AGBL1: variants seen among roughly 807,000 people sequenced by gnomAD.
AGBL1 encodes the protein AGBL carboxypeptidase 1.
In AGBL1, 130 loss-of-function variants were observed where a neutral mutation model predicts 118.9. That is an observed-to-expected ratio of 1.09 (90% CI 0.95 to 1.26). The LOEUF is 1.26. AGBL1 is among the 50% of genes most tolerant of loss of function. The probability of loss-of-function intolerance (pLI) is 0.00; values close to 1 mark genes in which losing one functional copy is unlikely to be tolerated. For synonymous variants in AGBL1, 555 were observed against 478.9 expected, an observed-to-expected ratio of 1.16 and a Z score of -2.08; for missense variants, 1,584 against 1,298.1, an observed-to-expected ratio of 1.22 and a Z score of -3.38.
At chr15:86,225,030 T>TTTA in intron 6 of AGBL1, 79 bp downstream of exon 6, 3 of 1,382,562 alleles carry the variant, frequency 2.2e-6, no homozygotes, top group Non-Finnish European at 3.0e-6. Context: ...CCCATGGCTG[T>TTTA]TTCTTTTTTT....
chr15:86,257,901 C>A (rs2078921980), intron 8 of AGBL1, 63 bp from the exon 9 acceptor site: 2 of 1,541,080 alleles, frequency 1.3e-6, no homozygotes, highest in African/African-American at 1.4e-5. Context: ...TGGTGAAAAT[C>A]TAAATCCTAA....
chr15:86,628,721 G>C (rs1002673811), intron 21 of AGBL1, among the ~76,000 whole-genome samples: 1 of 152,038 alleles, frequency 6.6e-6, no homozygotes, highest in Non-Finnish European at 1.5e-5. Context: ...GCATGAACCC[G>C]GGAGGCGGAG....
At chr15:86,700,372 A>G (rs982583486) in intron 22 of AGBL1, among the ~76,000 whole-genome samples, 5 of 151,742 alleles carry the variant, frequency 3.3e-5, no homozygotes, top group Non-Finnish European at 7.4e-5. Context: ...CATCTCTAGA[A>G]TCACCCATTT....
chr15:86,231,419 C>T (rs548856890), intron 6 of AGBL1, among the ~76,000 whole-genome samples: 1 of 152,216 alleles, frequency 6.6e-6, no homozygotes. Context: ...TCCACCATAA[C>T]TTCTGGAGAA....
At chr15:86,194,686 G>A (rs1425792071) in intron 5 of AGBL1, among the ~76,000 whole-genome samples, 2 of 152,122 alleles carry the variant, frequency 1.3e-5, no homozygotes, top group African/African-American at 4.8e-5. Flanking sequence ...TCCTGACCCC[G>A]TGTTGGGTAG....
chr15:86,417,531 G>C (rs112454518), intron 18 of AGBL1, among the ~76,000 whole-genome samples: 2 of 152,246 alleles, frequency 1.3e-5, no homozygotes, highest in Non-Finnish European at 2.9e-5. Flanking sequence ...GTTTACAGTA[G>C]AGAGGTGGAA....
downstream of AGBL1, among the ~76,000 whole-genome samples, chr15:86,917,939 G>A (rs1200230369): frequency 7.9e-5 from 12 of 152,130 alleles, no homozygotes; most frequent in Admixed American, 7.9e-4. The surrounding 1 kb of genome is among the most constrained non-coding windows in gnomAD (Gnocchi z 4.8). Flanking sequence ...TCCATCCCTA[G>A]TCCCTCAAAT....
intron 5 of AGBL1, among the ~76,000 whole-genome samples, chr15:86,212,069 T>C (rs2078108377): frequency 6.6e-6 from 1 of 152,260 alleles, no homozygotes; most frequent in African/African-American, 2.4e-5. Context: ...TTCTATGTGG[T>C]TTCTAGAAGT....
At chr15:86,094,879 G>T (rs377681365) in intron 1 of AGBL1, among the ~76,000 whole-genome samples, 1 of 152,166 alleles carries the variant, frequency 6.6e-6, no homozygotes, top group Admixed American at 6.5e-5. Context: ...ACTACCTGGA[G>T]TTAGCATCAG....
intron 21 of AGBL1, among the ~76,000 whole-genome samples, chr15:86,633,479 T>C (rs2085012538): frequency 1.3e-5 from 2 of 152,180 alleles, no homozygotes; most frequent in African/African-American, 4.8e-5. Flanking sequence ...TACTGGGAAG[T>C]ACTTAGAATG....
intron 1 of AGBL1, among the ~76,000 whole-genome samples, chr15:86,139,389 G>T (rs1425826583): frequency 6.6e-6 from 1 of 152,164 alleles, no homozygotes; most frequent in Non-Finnish European, 1.5e-5. Context: ...ACCACCCCGG[G>T]ATTCTCTTGA....
chr15:86,411,762 C>T (rs1165930235), intron 18 of AGBL1, among the ~76,000 whole-genome samples: 1 of 151,994 alleles, frequency 6.6e-6, no homozygotes, highest in Non-Finnish European at 1.5e-5. Context: ...CATTACTCTG[C>T]ATAATAACAA....
chr15:86,603,031 A>G (rs2084520070), intron 21 of AGBL1, among the ~76,000 whole-genome samples: 1 of 152,150 alleles, frequency 6.6e-6, no homozygotes, highest in African/African-American at 2.4e-5. Context: ...AAATGGTTCA[A>G]TTACAGTTCA....
At chr15:86,451,770 T>A (rs2082196669) in intron 18 of AGBL1, among the ~76,000 whole-genome samples, 1 of 152,122 alleles carries the variant, frequency 6.6e-6, no homozygotes, top group South Asian at 2.1e-4. Flanking sequence ...TGTTCTAATG[T>A]GCTTTCCTAT....
intron 17 of AGBL1, among the ~76,000 whole-genome samples, chr15:86,326,672 G>C (rs531004419): frequency 6.6e-6 from 1 of 152,138 alleles, no homozygotes; most frequent in Non-Finnish European, 1.5e-5. Context: ...GGTATATGTT[G>C]CTTGTTGTTG....
intron 22 of AGBL1, among the ~76,000 whole-genome samples, chr15:86,747,735 T>A (rs542582440): frequency 6.6e-6 from 1 of 152,264 alleles, no homozygotes; most frequent in Non-Finnish European, 1.5e-5. Flanking sequence ...GGTGTTTGGT[T>A]TTCTGTTCTT....
intron 18 of AGBL1, among the ~76,000 whole-genome samples, chr15:86,420,094 C>A (rs1400886001): frequency 6.6e-6 from 1 of 152,120 alleles, no homozygotes; most frequent in Non-Finnish European, 1.5e-5. Context: ...GTGGATCTCC[C>A]AATACAGCAC....
chr15:86,598,109 G>T (rs2084437222), intron 21 of AGBL1, among the ~76,000 whole-genome samples: 2 of 151,890 alleles, frequency 1.3e-5, no homozygotes, highest in African/African-American at 4.8e-5. Flanking sequence ...GCTTATGAGG[G>T]GTGTTTAACC....
chr15:86,405,137 T>C (rs998792843), intron 18 of AGBL1, among the ~76,000 whole-genome samples: 1 of 152,224 alleles, frequency 6.6e-6, no homozygotes, highest in African/African-American at 2.4e-5. Context: ...TGAGTAGTTA[T>C]CTTTTGCTAT....
Sources: allele counts gnomAD v4.1 joint callset (sites outside exome capture counted in the v4.1 genomes callset), GRCh38; gene constraint gnomAD v4.1.1; non-coding constraint Gnocchi (gnomAD v3.1); transcripts MANE v1.5; gene names NCBI Gene and HGNC (gene_info 2026-07-23, HGNC 2026-07-21).